The following LOXL4 variants were observed in gnomAD, a reference collection of about 807,000 sequenced individuals.
LOXL4 encodes the protein lysyl oxidase like 4.
Under a neutral mutation model 89.1 loss-of-function variants are expected in LOXL4, and 72 were observed. The observed-to-expected ratio is 0.81, with a 90% CI of 0.67 to 0.98. LOXL4 has a LOEUF of 0.98. LOXL4 is among the 50% of genes least tolerant of loss of function. The probability of loss-of-function intolerance (pLI) is 0.00; values close to 1 mark genes in which losing one functional copy is unlikely to be tolerated. For missense variants in LOXL4, 984 were observed against 1,017.5 expected (o/e 0.97, Z 0.45); for synonymous variants, 355 against 392.1 (o/e 0.91, Z 1.12).
chr10:98,265,723 T>C (rs1200968738), intron 1 of LOXL4, among the ~76,000 whole-genome samples: 1 of 152,184 alleles, frequency 6.6e-6, no homozygotes. Flanking sequence ...TAACAGCTAC[T>C]GTGACAGCGA....
intron 9 of LOXL4, 54 bp from the exon 10 acceptor site, chr10:98,255,793 A>C: frequency 6.4e-7 from 1 of 1,574,556 alleles, no homozygotes; most frequent in Non-Finnish European, 8.7e-7. Context: ...TCACCTCCTG[A>C]CTCCCATCTG....
intron 1 of LOXL4, among the ~76,000 whole-genome samples, chr10:98,265,371 C>T (rs1171089280): frequency 2.5e-5 from 3 of 118,776 alleles, no homozygotes; most frequent in Non-Finnish European, 5.5e-5. Flanking sequence ...TAACAATGAA[C>T]TATTATTATT....
intron 1 of LOXL4, among the ~76,000 whole-genome samples, chr10:98,263,841 C>CT: frequency 1.3e-5 from 2 of 151,224 alleles, no homozygotes; most frequent in South Asian, 4.2e-4. Context: ...AAGCAATTCT[C>CT]TGCCTCATCC....
At position 98,248,272 on chromosome 10, in the gene LOXL4, T is replaced by A. The variant is rs41317258; in HGVS notation, c.*649A>T. On this transcript the variant is annotated 3_prime_UTR_variant, in exon 15 of 15. Transcript: ENST00000260702. ...CCCTTCTCAAGCACTCCGTAACTGTTGGTGTTGGCCCATCAGGCAATAAGG... is the reference window on the plus strand; with the variant it reads ...CCCTTCTCAAGCACTCCGTAACTGTAGGTGTTGGCCCATCAGGCAATAAGG... The A allele has an allele frequency of 1.3e-5, 2 of 152,412 alleles. No homozygotes were observed. Among genetic ancestry groups the A allele is most frequent in the Non-Finnish European group, 2.9e-5 (2 of 68,126 alleles). The allele number at this position is 152,412 out of a possible 1,614,324, so 9.4% of individuals were successfully genotyped here. A position where few individuals can be genotyped will look rare whatever the true frequency, so the allele number is the denominator to read the frequency against.
At chr10:98,261,232 C>A (rs569982048) in intron 3 of LOXL4, 105 bp from the exon 4 acceptor site, 12 of 1,187,192 alleles carry the variant, frequency 1.0e-5, no homozygotes, top group Non-Finnish European at 1.4e-5. Flanking sequence ...CTTTTCGAGA[C>A]CATCCCACCC....
At chr10:98,256,090 C>T (rs963165007) in intron 9 of LOXL4, 7 of 154,276 alleles carry the variant, frequency 4.5e-5, no homozygotes, top group Non-Finnish European at 9.4e-5. Context: ...CGGCCCAGAT[C>T]GTCAGTTGTG....
chr10:98,249,644 A>T (rs1273543595), intron 14 of LOXL4, among the ~76,000 whole-genome samples: 1 of 152,206 alleles, frequency 6.6e-6, no homozygotes, highest in African/African-American at 2.4e-5. Flanking sequence ...TGTTTTCCGC[A>T]CACTTCTGTT....
chr10:98,257,878 AGGGGGATAAC>A (rs1858425501), intron 7 of LOXL4, 74 bp from the exon 8 acceptor site: 1 of 1,578,940 alleles, frequency 6.3e-7, no homozygotes, highest in South Asian at 1.2e-5. Context: ...CCCTTCACAG[AGGGGGATAAC>A]TTTCTGTCCT....
chr10:98,257,657 T>C lies in LOXL4; in HGVS notation c.1253A>G (p.Gln418Arg), dbSNP rs535505098. 8.1e-6 allele frequency: 13 copies of C among 1,613,416 alleles called. No individual in the cohort carries two copies. The highest frequency in any genetic ancestry group is 2.2e-5 in the East Asian group (1 of 44,880). Residue 418 changes from glutamine (Q) to arginine (R), a missense_variant, in exon 8 of 15, where the codon CAG (glutamine) becomes CGG (arginine). Physicochemically the swap from Gln to Arg is conservative, Grantham distance 43. Coordinates refer to ENST00000260702, the MANE Select transcript of LOXL4 (RefSeq NM_032211.7). ...GCTCAGACCCAAACTCACCTGATTC[T>C]GAAAGCCCATGTTAGGGACATTGCA... is the stretch of plus-strand genomic sequence containing the variant. ...VRCNVPNMGFQNQVRLAGGRI... is the reference protein window; with the variant it reads ...VRCNVPNMGFRNQVRLAGGRI...
chr10:98,260,487 GC>G (rs1184217782), intron 4 of LOXL4, among the ~76,000 whole-genome samples: 2 of 151,156 alleles, frequency 1.3e-5, no homozygotes, highest in East Asian at 3.9e-4. Flanking sequence ...GGGTGGGGGG[GC>G]GTTCTGTACC....
At chr10:98,263,977 C>T (rs187071915) in intron 1 of LOXL4, among the ~76,000 whole-genome samples, 30 of 152,058 alleles carry the variant, frequency 2.0e-4, no homozygotes, top group East Asian at 3.9e-4. Context: ...GTGATCCATC[C>T]GCCTTGGCCT....
rs773078636 is a variant in LOXL4, at chr10:98,253,748, T to C, written c.1640A>G (p.Tyr547Cys). ...CTGGCTGAGCGGGCGGTCCTCCAAG[T>C]AGGCCGTCTCCTGCACTAGCTGGGC... is the stretch of plus-strand genomic sequence containing the variant. ...MNAQLVQETAYLEDRPLSQLY... is the reference protein window; with the variant it reads ...MNAQLVQETACLEDRPLSQLY... Residue 547 changes from tyrosine to cysteine, a missense_variant, in exon 11 of 15, where the codon TAC (tyrosine) becomes TGC (cysteine). Tyr to Cys is a radical substitution (Grantham distance 194, BLOSUM62 -2). Transcript: ENST00000260702. 53 of 1,614,062 alleles carry C rather than the reference T, an allele frequency of 3.3e-5. No homozygotes were observed. In the Admixed American group the frequency reaches 7.0e-4, roughly 21 times the overall value.
intron 14 of LOXL4, among the ~76,000 whole-genome samples, chr10:98,249,869 C>A (rs563430123): frequency 6.6e-6 from 1 of 152,200 alleles, no homozygotes. Context: ...CACACAAATT[C>A]GAAACCTTAG....
Position 98,266,391 on chromosome 10 carries a change from G to C in LOXL4, c.-33+1741C>G, listed in dbSNP as rs528640792. Reference sequence around the variant, plus strand: ...CCCCTATCCGACATGCTCTGATGGGGCCCAGGGTAGGCTGGGCAGGTCTGC... The same window carrying C: ...CCCCTATCCGACATGCTCTGATGGGCCCCAGGGTAGGCTGGGCAGGTCTGC... On this transcript the variant is annotated intron_variant, in intron 1 of 14. Transcript: ENST00000260702. Among the ~76,000 whole-genome samples the C allele has an allele frequency of 2.6e-5, 4 of 152,170 alleles. No homozygotes were observed. The South Asian group carries it at 6.2e-4, about 24-fold the overall frequency.
chr10:98,260,790 AC>A (rs1858512768), intron 4 of LOXL4, 131 bp downstream of exon 4: 1 of 914,472 alleles, frequency 1.1e-6, no homozygotes, highest in African/African-American at 1.6e-5. Flanking sequence ...GTGCATACTT[AC>A]TTGCCCCTCA....
rs1438321276 is a variant in LOXL4, at chr10:98,257,693, G to A, written c.1217C>T (p.Ala406Val). Residue 406 changes from alanine (A) to valine (V), a missense_variant, in exon 8 of 15, where the codon GCT (alanine) becomes GTT (valine). Transcript: ENST00000260702. ...GTTAGGGACATTGCACCTGACAGCA[G>A]CATCATTCTCATGTTGGCAACCATT... ...SQNGCQHENDAAVRCNVPNMG... is the reference protein window; with the variant it reads ...SQNGCQHENDVAVRCNVPNMG... 1 of 1,614,078 alleles carries A rather than the reference G, an allele frequency of 6.2e-7. No homozygotes were observed. Among genetic ancestry groups the A allele is most frequent in the South Asian group, 1.1e-5 (1 of 91,082 alleles).
At chr10:98,249,892 C>T (rs200363443) in intron 14 of LOXL4, among the ~76,000 whole-genome samples, 3 of 152,194 alleles carry the variant, frequency 2.0e-5, no homozygotes, top group African/African-American at 4.8e-5. Flanking sequence ...TGTTCTTCCT[C>T]TTCTCATTTT....
chr10:98,262,912 G>A lies in LOXL4; in HGVS notation c.108C>T (p.Gly36=). Residue 36 remains glycine, a synonymous_variant, in exon 2 of 15, where the codon GGC becomes GGT. Transcript: ENST00000260702. ...GGCCCTCCTCTGGCTTGCTCTCTGG[G>A]CCCACCAGCCGGAGCTTAGTGGTGC... ...SLGTTKLRLV[G]PESKPEEGRL... is the part of the protein sequence containing the mutation. 1 of 1,613,566 alleles carries A rather than the reference G, an allele frequency of 6.2e-7. No individual in the cohort carries two copies. The highest frequency in any genetic ancestry group is 8.5e-7 in the Non-Finnish European group (1 of 1,180,038).
intron 9 of LOXL4, chr10:98,256,570 T>C: frequency 1.7e-6 from 1 of 595,798 alleles, no homozygotes; most frequent in Non-Finnish European, 2.9e-6. Flanking sequence ...TTCCTGCAGA[T>C]GCAAATGTGT....
Sources: gnomAD v4.1 joint callset for allele counts (sites outside exome capture counted in the v4.1 genomes callset) on GRCh38, gnomAD v4.1.1 for gene constraint, MANE v1.5 for transcripts, NCBI Gene and HGNC (gene_info 2026-07-23, HGNC 2026-07-21) for gene names.